Variants in SHISA3 observed in about 807,000 individuals in gnomAD.
SHISA3 encodes the protein shisa family member 3.
A neutral mutation model predicts 19.2 loss-of-function variants in SHISA3; 15 were observed. The observed-to-expected ratio is 0.78, with a 90% CI of 0.52 to 1.20. The LOEUF (loss-of-function observed/expected upper bound fraction) is 1.20, where lower values mean the gene tolerates loss of function less well. Among genes scored for constraint, SHISA3 ranks in the 50% most tolerant of loss-of-function variants. The probability of loss-of-function intolerance (pLI) is 0.00; values close to 1 mark genes in which losing one functional copy is unlikely to be tolerated. For missense variants in SHISA3, 327 were observed against 315.7 expected, an observed-to-expected ratio of 1.04 and a Z score of -0.27; for synonymous variants, 145 against 135.2, an observed-to-expected ratio of 1.07 and a Z score of -0.50.
chr4:42,397,747 C>T lies in SHISA3; in HGVS notation c.-310C>T. Reference sequence around the variant, plus strand: ...CCGGGGGGTTGGCGCGCCCCTCGCGCGGGGAGCGCTATGAGCCGGGCGAAG... The same window carrying T: ...CCGGGGGGTTGGCGCGCCCCTCGCGTGGGGAGCGCTATGAGCCGGGCGAAG... On this transcript the variant is annotated 5_prime_UTR_variant, in exon 1 of 2. Transcript: ENST00000319234. 1 of 331,216 alleles carries T rather than the reference C, an allele frequency of 3.0e-6. No individual in the cohort carries two copies. The highest frequency in any genetic ancestry group is 2.2e-5 in the African/African-American group (1 of 46,296). The allele number at this position is 331,216 out of a possible 1,614,324, so 20.5% of individuals were successfully genotyped here.
intron 1 of SHISA3, among the ~76,000 whole-genome samples, chr4:42,399,898 A>G (rs1711856617): frequency 6.6e-6 from 1 of 152,240 alleles, no homozygotes; most frequent in Admixed American, 6.5e-5. Flanking sequence ...TGGGAGGGAC[A>G]CAGAAGAGCT....
intron 1 of SHISA3, among the ~76,000 whole-genome samples, chr4:42,399,554 G>A (rs1560287123): frequency 6.6e-6 from 1 of 152,246 alleles, no homozygotes; most frequent in African/African-American, 2.4e-5. Context: ...AAGTGCAATT[G>A]CCCAGTCTGC....
intron 1 of SHISA3, among the ~76,000 whole-genome samples, chr4:42,399,247 A>G (rs1400264352): frequency 1.3e-5 from 2 of 152,026 alleles, no homozygotes; most frequent in East Asian, 3.9e-4. Context: ...CCCGCAAGAG[A>G]AGGTCGCCGG....
chr4:42,398,111 G>C lies in SHISA3; in HGVS notation c.55G>C (p.Ala19Pro), dbSNP rs758693090. 94 of 1,602,468 alleles carry C rather than the reference G, an allele frequency of 5.9e-5. No homozygotes were observed. Among genetic ancestry groups the C allele is most frequent in the Middle Eastern group, 1.7e-4 (1 of 6,024 alleles). The change falls in exon 1 of 2, where the codon GCG becomes CCG. Residue 19 changes from alanine (A) to proline (P), a missense_variant. By Grantham distance (27) the Ala-to-Pro change is conservative (BLOSUM62 -1). Coordinates refer to ENST00000319234, the MANE Select transcript of SHISA3 (RefSeq NM_001080505.3). ...LLLGWLRWGP[A>P]GAQQSGEYCH... ...CCTTGGCTGGCTGCGCTGGGGCCCG[G>C]CGGGCGCCCAGCAGTCCGGAGAGTA... is the stretch of plus-strand genomic sequence containing the variant.
chr4:42,401,573 G>T lies in SHISA3; in HGVS notation c.*122G>T. The T allele has an allele frequency of 9.2e-7, 1 of 1,082,876 alleles. No individual in the cohort carries two copies. The highest frequency in any genetic ancestry group is 1.3e-6 in the Non-Finnish European group (1 of 765,832). 67.1% of individuals were successfully genotyped at this position (1,082,876 alleles called of 1,614,324 possible). ...ACTGATCAGTGTCATGGAGGAGCAT[G>T]CTAGGAAAACACAGCACCTTCTAAT... On this transcript the variant is annotated 3_prime_UTR_variant, in exon 2 of 2. Transcript: ENST00000319234.
At position 42,401,530 on chromosome 4, in the gene SHISA3, G is replaced by A; in HGVS notation, c.*79G>A. ...TGCTCCCATTGCCACATGCAATTCT[G>A]AGAAAATTTCCCTTGTAACTGATCA... is the stretch of plus-strand genomic sequence containing the variant. On this transcript the variant is annotated 3_prime_UTR_variant, in exon 2 of 2. Transcript: ENST00000319234. The A allele has an allele frequency of 1.4e-6, 2 of 1,465,952 alleles. No homozygotes were observed. The highest frequency in any genetic ancestry group is 1.8e-6 in the Non-Finnish European group (2 of 1,089,226). The allele number at this position is 1,465,952 out of a possible 1,614,324, so 90.8% of individuals were successfully genotyped here. A position where few individuals can be genotyped will look rare whatever the true frequency, so the allele number is the denominator to read the frequency against.
At chr4:42,400,178 G>C (rs957640395) in intron 1 of SHISA3, among the ~76,000 whole-genome samples, 1 of 152,230 alleles carries the variant, frequency 6.6e-6, no homozygotes, top group Non-Finnish European at 1.5e-5. Context: ...GAGACCTGGA[G>C]AACTGCCCAA....
Position 42,398,147 on chromosome 4 carries a change from T to C in SHISA3, c.91T>C (p.Trp31Arg). 1 of 1,606,174 alleles carries C rather than the reference T, an allele frequency of 6.2e-7. No homozygotes were observed. Among genetic ancestry groups the C allele is most frequent in the South Asian group, 1.1e-5 (1 of 89,682 alleles). Residue 31 changes from tryptophan (W) to arginine (R), a missense_variant, in exon 1 of 2, where the codon TGG becomes CGG. Coordinates refer to ENST00000319234, the MANE Select transcript of SHISA3 (RefSeq NM_001080505.3). ...AQQSGEYCHG[W>R]VDVQGNYHEG... ...GCAGTCCGGAGAGTACTGCCACGGC[T>C]GGGTGGACGTGCAGGGCAACTACCA...
Position 42,402,480 on chromosome 4 carries a change from G to A in SHISA3, c.*1029G>A, listed in dbSNP as rs528138038. 2.6e-5 allele frequency: 4 copies of A among 152,030 alleles called. No individual in the cohort carries two copies. The highest frequency in any genetic ancestry group is 9.6e-5 in the African/African-American group (4 of 41,460). 9.4% of individuals were successfully genotyped at this position (152,030 alleles called of 1,614,324 possible). ...TAAATAAAACACTTTATATTTTCAT[G>A]AACTCTATTTAAATTTTAATGTGAT... On this transcript the variant is annotated 3_prime_UTR_variant, in exon 2 of 2. Coordinates refer to ENST00000319234, the MANE Select transcript of SHISA3 (RefSeq NM_001080505.3).
At chr4:42,399,150 G>T (rs1260935645) in intron 1 of SHISA3, among the ~76,000 whole-genome samples, 2 of 152,148 alleles carry the variant, frequency 1.3e-5, no homozygotes, top group African/African-American at 4.8e-5. Flanking sequence ...AGCTTGAGGC[G>T]AGGGTTTTAT....
In SHISA3 at chr4:42,398,195, G is replaced by GC; in HGVS notation, c.139_140insC (p.Asp47AlafsTer138). 1 of 1,605,358 alleles carries GC rather than the reference G, an allele frequency of 6.2e-7. No homozygotes were observed. The highest frequency in any genetic ancestry group is 8.5e-7 in the Non-Finnish European group (1 of 1,176,204). ...CCACGAGGGCTTCCAGTGCCCAGAG[G>GC]ACTTCGACACGCTGGACGCTACCAT... is the stretch of plus-strand genomic sequence containing the variant. On this transcript the variant is annotated frameshift_variant, in exon 1 of 2. Coordinates refer to ENST00000319234, the MANE Select transcript of SHISA3 (RefSeq NM_001080505.3). LOFTEE classifies it high-confidence loss of function.
Position 42,401,643 on chromosome 4 carries a change from C to A in SHISA3, c.*192C>A. The A allele has an allele frequency of 5.2e-6, 3 of 578,198 alleles. No homozygotes were observed. The highest frequency in any genetic ancestry group is 5.8e-6 in the Non-Finnish European group (2 of 344,716). The allele number at this position is 578,198 out of a possible 1,614,324, so 35.8% of individuals were successfully genotyped here. On this transcript the variant is annotated 3_prime_UTR_variant, in exon 2 of 2. Transcript: ENST00000319234. Reference sequence around the variant, plus strand: ...ATCACAGAAAGGCTAAACCAGAGAACTGTTTTCTGGTTTTGCAAACATGTG... The same window carrying A: ...ATCACAGAAAGGCTAAACCAGAGAAATGTTTTCTGGTTTTGCAAACATGTG...
At position 42,401,784 on chromosome 4, in the gene SHISA3, G is replaced by T; in HGVS notation, c.*333G>T. 1 of 230,640 alleles carries T rather than the reference G, an allele frequency of 4.3e-6. No individual in the cohort carries two copies. The highest frequency in any genetic ancestry group is 8.4e-6 in the Non-Finnish European group (1 of 119,516). 14.3% of individuals were successfully genotyped at this position (230,640 alleles called of 1,614,324 possible). A position where few individuals can be genotyped will look rare whatever the true frequency, so the allele number is the denominator to read the frequency against. ...CATTCAGCTATATTGCTTAGAAAAG[G>T]GCTACATGTTTCTTTTTCATATAAG... On this transcript the variant is annotated 3_prime_UTR_variant, in exon 2 of 2. Transcript: ENST00000319234.
At chr4:42,400,208 G>C (rs1308441800) in intron 1 of SHISA3, among the ~76,000 whole-genome samples, 1 of 152,184 alleles carries the variant, frequency 6.6e-6, no homozygotes, top group Non-Finnish European at 1.5e-5. Flanking sequence ...TCCGGGCTTG[G>C]GAATTTTATG....
Position 42,401,502 on chromosome 4 carries a change from C to T in SHISA3, c.*51C>T. 6.6e-7 allele frequency: 1 copy of T among 1,513,080 alleles called. No homozygotes were observed. Among genetic ancestry groups the T allele is most frequent in the Non-Finnish European group, 8.9e-7 (1 of 1,128,440 alleles). The allele number at this position is 1,513,080 out of a possible 1,614,324, so 93.7% of individuals were successfully genotyped here. On this transcript the variant is annotated 3_prime_UTR_variant, in exon 2 of 2. Coordinates refer to ENST00000319234, the MANE Select transcript of SHISA3 (RefSeq NM_001080505.3). The stretch of plus-strand genomic sequence containing the variant: ...TCAGTCAGATGGCAGACAGGTGGAG[C>T]CCTGCTCCCATTGCCACATGCAATT...
rs997150806 is a variant in SHISA3 at position 42,401,809 on chromosome 4, G to A, written c.*358G>A. On this transcript the variant is annotated 3_prime_UTR_variant, in exon 2 of 2. Transcript: ENST00000319234. ...GGCTACATGTTTCTTTTTCATATAA[G>A]TTGTTCATTGAGTTATGATAGGAAT... 4 of 190,200 alleles carry A rather than the reference G, an allele frequency of 2.1e-5. No individual in the cohort carries two copies. Among genetic ancestry groups the A allele is most frequent in the Non-Finnish European group, 3.2e-5 (3 of 93,734 alleles). The allele number at this position is 190,200 out of a possible 1,614,324, so 11.8% of individuals were successfully genotyped here. A position where few individuals can be genotyped will look rare whatever the true frequency, so the allele number is the denominator to read the frequency against.
Position 42,397,669 on chromosome 4 carries a change from G to A in SHISA3, c.-388G>A, listed in dbSNP as rs1711772060. The stretch of plus-strand genomic sequence containing the variant: ...CAGGTTGGGACTCTGTGCGGCGCTG[G>A]AGTTGGCAGCCCCGGGCGCTATGGC... On this transcript the variant is annotated 5_prime_UTR_variant, in exon 1 of 2. Coordinates refer to ENST00000319234, the MANE Select transcript of SHISA3 (RefSeq NM_001080505.3). 6.6e-6 allele frequency among the ~76,000 whole-genome samples: 1 copy of A among 152,120 alleles called. No homozygotes were observed. The highest frequency in any genetic ancestry group is 1.9e-4 in the East Asian group (1 of 5,160).
In SHISA3 at chr4:42,398,317, C is replaced by T; in HGVS notation, c.261C>T (p.His87=). 1.3e-6 allele frequency: 2 copies of T among 1,557,816 alleles called. No individual in the cohort carries two copies. Among genetic ancestry groups the T allele is most frequent in the Non-Finnish European group, 1.7e-6 (2 of 1,153,226 alleles). Residue 87 remains histidine (H), a synonymous_variant, in exon 1 of 2, where the codon CAC becomes CAT. Coordinates refer to ENST00000319234, the MANE Select transcript of SHISA3 (RefSeq NM_001080505.3). ...CCAACGACCGCCGCGAACTGGAGCA[C>T]CCAGGCATCACTGCGCGTAAGTGCG... is the stretch of plus-strand genomic sequence containing the variant. ...GCTNDRRELE[H]PGITAQPVYV... is the part of the protein sequence containing the mutation.
chr4:42,398,176 G>A lies in SHISA3; in HGVS notation c.120G>A (p.Glu40=). 6.2e-7 allele frequency: 1 copy of A among 1,607,080 alleles called. No individual in the cohort carries two copies. ...GWVDVQGNYH[E]GFQCPEDFDT... Reference sequence around the variant, plus strand: ...TGGACGTGCAGGGCAACTACCACGAGGGCTTCCAGTGCCCAGAGGACTTCG... The same window carrying A: ...TGGACGTGCAGGGCAACTACCACGAAGGCTTCCAGTGCCCAGAGGACTTCG... The change falls in exon 1 of 2, where the codon GAG becomes GAA. Residue 40 remains glutamate, a synonymous_variant. Transcript: ENST00000319234.
Sources: gnomAD v4.1 joint callset for allele counts (sites outside exome capture counted in the v4.1 genomes callset) on GRCh38, gnomAD v4.1.1 for gene constraint, MANE v1.5 for transcripts, NCBI Gene and HGNC (gene_info 2026-07-23, HGNC 2026-07-21) for gene names.